HEATR4: variants seen among roughly 807,000 people sequenced by gnomAD.
HEATR4 encodes HEAT repeat-containing protein 4.
A neutral mutation model predicts 108.8 loss-of-function variants in HEATR4; 95 were observed. That is an observed-to-expected ratio of 0.87 (90% confidence interval 0.74 to 1.04). The LOEUF is 1.04. HEATR4 is among the 50% of genes least tolerant of loss of function. The pLI is 0.00. For missense variants in HEATR4, 1,152 were observed against 1,253.8 expected (o/e 0.92, Z 1.23); for synonymous variants, 443 against 459.4 (o/e 0.96, Z 0.46).
At chr14:73,563,037 T>C (rs921921793), upstream of HEATR4, among the ~76,000 whole-genome samples, 2 of 151,954 alleles carry the variant, frequency 1.3e-5, no homozygotes, top group Non-Finnish European at 2.9e-5. Flanking sequence ...GCATACGATC[T>C]TTGTACCCAC....
rs112861113 is a variant in HEATR4, at chr14:73,531,887, C to A, written c.-151-1643G>T. Among the ~76,000 whole-genome samples, 6 of 113,448 alleles carry A rather than the reference C, an allele frequency of 5.3e-5. 1 individual carries two copies. The highest frequency in any genetic ancestry group is 1.7e-4 in the African/African-American group (6 of 35,008). The allele number at this position is 113,448 out of a possible 152,430, so 74.4% of individuals were successfully genotyped here. Reference sequence around the variant, plus strand: ...ATAGAAAATTTAAAAAGAAAATCAGCTGGGCCTGGTGGCGCATGCCTGTAA... The same window carrying A: ...ATAGAAAATTTAAAAAGAAAATCAGATGGGCCTGGTGGCGCATGCCTGTAA... On this transcript the variant is annotated intron_variant, in intron 1 of 17. Coordinates refer to ENST00000553558, the MANE Select transcript of HEATR4 (RefSeq NM_001220484.1).
In HEATR4 at chr14:73,493,113, G is replaced by A. The variant is rs1286768551; in HGVS notation, c.2797C>T (p.Leu933Phe). 6.2e-7 allele frequency: 1 copy of A among 1,610,808 alleles called. No individual in the cohort carries two copies. The highest frequency in any genetic ancestry group is 8.5e-7 in the Non-Finnish European group (1 of 1,179,588). The stretch of plus-strand genomic sequence containing the variant: ...CAAACCTCGGAAGGTCTTCTAGGAA[G>A]AACCATCTCATCTAGGTACAAAAGG... Reference protein sequence around the residue: ...LQETFQDEMVLPRRPSEVCDT... With the variant: ...LQETFQDEMVFPRRPSEVCDT... Residue 933 changes from leucine (L) to phenylalanine (F), a missense_variant, in exon 17 of 18, where the codon CTT becomes TTT. Physicochemically the swap from Leu to Phe is conservative, Grantham distance 22. Transcript: ENST00000553558.
chr14:73,491,602 C>A, intron 17 of HEATR4: 24 of 1,546,968 alleles, frequency 1.6e-5, no homozygotes, highest in Non-Finnish European at 2.0e-5. Flanking sequence ...TGAACCGCAT[C>A]CCCAGCAGCC....
the HEATR4 span, among the ~76,000 whole-genome samples, chr14:73,583,303 C>T: frequency 1.0e-3 from 154 of 149,808 alleles, 1 homozygote; most frequent in African/African-American, 3.6e-3. Flanking sequence ...GAGCTGAGAT[C>T]GTGCCATTGC....
intron 17 of HEATR4, among the ~76,000 whole-genome samples, chr14:73,479,516 G>A (rs1281018630): frequency 5.6e-5 from 8 of 143,752 alleles, no homozygotes; most frequent in Admixed American, 5.0e-4. Context: ...TCGGCTCACC[G>A]CAACCTCTGC....
intron 5 of HEATR4, among the ~76,000 whole-genome samples, chr14:73,515,112 C>T (rs1329622472): frequency 6.6e-6 from 1 of 150,544 alleles, no homozygotes; most frequent in African/African-American, 2.4e-5. Flanking sequence ...ATTTTCTGAA[C>T]TTAATGTTTT....
chr14:73,613,408 C>G, the HEATR4 span, among the ~76,000 whole-genome samples: 1 of 152,164 alleles, frequency 6.6e-6, no homozygotes, highest in Non-Finnish European at 1.5e-5. Context: ...TGTTTGAATA[C>G]GATATGGGCA....
chr14:73,610,776 T>C, the HEATR4 span, among the ~76,000 whole-genome samples: 1 of 152,286 alleles, frequency 6.6e-6, no homozygotes, highest in South Asian at 2.1e-4. Context: ...TTCTCAAGCA[T>C]AGAACGTGCT....
At chr14:73,583,960 C>G in the HEATR4 span, among the ~76,000 whole-genome samples, 2 of 151,680 alleles carry the variant, frequency 1.3e-5, no homozygotes, top group Non-Finnish European at 2.9e-5. Context: ...GAGACCACGC[C>G]ATTGCACTCC....
chr14:73,508,680 C>T (rs1439684888), intron 8 of HEATR4, among the ~76,000 whole-genome samples: 1 of 129,824 alleles, frequency 7.7e-6, no homozygotes, highest in African/African-American at 2.9e-5. Flanking sequence ...ACCCAGGAGG[C>T]GGAGGTTGCA....
chr14:73,576,151 A>G, the HEATR4 span, among the ~76,000 whole-genome samples: 1 of 152,152 alleles, frequency 6.6e-6, no homozygotes, highest in East Asian at 1.9e-4. Flanking sequence ...CCTGGGCAAC[A>G]GCAAGACTCT....
At chr14:73,602,511 G>C in the HEATR4 span, among the ~76,000 whole-genome samples, 1 of 152,040 alleles carries the variant, frequency 6.6e-6, no homozygotes, top group Non-Finnish European at 1.5e-5. Flanking sequence ...TATCTTTTTT[G>C]CCTAATAAAT....
the HEATR4 span, among the ~76,000 whole-genome samples, chr14:73,604,164 CTTTTTTTT>C: frequency 1.2e-4 from 14 of 120,780 alleles, no homozygotes; most frequent in Non-Finnish European, 1.9e-4. Context: ...TTGCTAATTT[CTTTTTTTT>C]TTTTTTTTTT....
chr14:73,564,686 T>TGTGTGTTTTTTAATTTTCA, the HEATR4 span, among the ~76,000 whole-genome samples: 1 of 151,262 alleles, frequency 6.6e-6, no homozygotes, highest in Non-Finnish European at 1.5e-5. Context: ...AATAGTTAGA[T>TGTGTGTTTTTTAATTTTCA]GTGTGTTTTT....
In HEATR4 at chr14:73,546,381, A is replaced by G. The variant is rs1372097835; in HGVS notation, c.-152+12370T>C. Among the ~76,000 whole-genome samples the G allele has an allele frequency of 2.0e-5, 2 of 101,350 alleles. 1 individual carries two copies. The highest frequency in any genetic ancestry group is 4.1e-5 in the Non-Finnish European group (2 of 48,736). The allele number at this position is 101,350 out of a possible 152,430, so 66.5% of individuals were successfully genotyped here. A position where few individuals can be genotyped will look rare whatever the true frequency, so the allele number is the denominator to read the frequency against. On this transcript the variant is annotated intron_variant, in intron 1 of 17. Transcript: ENST00000553558. ...TTCGTATTTTTTTTTTTTTTTTGAG[A>G]CGAGATCTAACTCTCACCCAGGCTA...
In HEATR4 at chr14:73,496,624, T is replaced by C; in HGVS notation, c.2602A>G (p.Met868Val). The C allele has an allele frequency of 6.2e-7, 1 of 1,604,268 alleles. No individual in the cohort carries two copies. Among genetic ancestry groups the C allele is most frequent in the Non-Finnish European group, 8.5e-7 (1 of 1,171,074 alleles). The change falls in exon 15 of 18, where the codon ATG becomes GTG. Residue 868 changes from methionine to valine, a missense_variant. By Grantham distance (21) the Met-to-Val change is conservative. Transcript: ENST00000553558. ...ACCCTGTTCTTGATCTCCTGAAGCA[T>C]TTCTTGGTTTCCTTCATTTCCTAAG... Reference protein sequence around the residue: ...LNLGNEGNQEMLQEIKNRIKT... With the variant: ...LNLGNEGNQEVLQEIKNRIKT...
chr14:73,514,290 AC>A (rs1675335350), intron 5 of HEATR4, 56 bp from the exon 6 acceptor site: 2 of 1,496,406 alleles, frequency 1.3e-6, no homozygotes. Context: ...GCCCTGCCAC[AC>A]AGTGGCCCCA....
At chr14:73,585,820 CTTT>C in the HEATR4 span, among the ~76,000 whole-genome samples, 7 of 115,562 alleles carry the variant, frequency 6.1e-5, no homozygotes, top group Non-Finnish European at 1.2e-4. Flanking sequence ...TTGTCTTTTT[CTTT>C]TTTTTTTTTT....
intron 9 of HEATR4, among the ~76,000 whole-genome samples, chr14:73,507,716 G>A (rs947571071): frequency 4.0e-5 from 6 of 151,792 alleles, no homozygotes; most frequent in African/African-American, 1.5e-4. Flanking sequence ...GATTACAGGC[G>A]TGAGCGACCA....
Sources: allele counts gnomAD v4.1 joint callset (sites outside exome capture counted in the v4.1 genomes callset), GRCh38; gene constraint gnomAD v4.1.1; transcripts MANE v1.5; gene names NCBI Gene and HGNC (gene_info 2026-07-23, HGNC 2026-07-21).